PLCB1: variants seen among roughly 807,000 people sequenced by gnomAD.
The protein encoded by PLCB1 is phospholipase C beta 1.
Under a neutral mutation model 161.8 loss-of-function variants are expected in PLCB1, and 46 were observed. The ratio of observed to expected loss-of-function variants is 0.28; its 90% CI spans 0.22 to 0.36. PLCB1 has a LOEUF of 0.36. Ranked by LOEUF, PLCB1 falls within the 10% of genes least tolerant of loss-of-function variation. The probability of loss-of-function intolerance (pLI) is 1.00; values close to 1 mark genes in which losing one functional copy is unlikely to be tolerated. For synonymous variants in PLCB1, 517 were observed against 503.7 expected (o/e 1.03, Z -0.35); for missense variants, 1,016 against 1,472.5 (o/e 0.69, Z 5.07).
At chr20:8,210,737 T>C (rs1381619766) in intron 2 of PLCB1, among the ~76,000 whole-genome samples, 1 of 152,142 alleles carries the variant, frequency 6.6e-6, no homozygotes, top group Non-Finnish European at 1.5e-5. Context: ...ATGGGAAATG[T>C]TATTTACATA....
intron 2 of PLCB1, among the ~76,000 whole-genome samples, chr20:8,325,615 T>C (rs1284733044): frequency 6.6e-6 from 1 of 152,158 alleles, no homozygotes; most frequent in Non-Finnish European, 1.5e-5. Flanking sequence ...ATTTAATCAT[T>C]TCATCTATTT....
Position 8,411,483 on chromosome 20 carries a change from C to T in PLCB1, c.246+40033C>T, listed in dbSNP as rs147462047. ...TTTAGAGGTCTGTCTATAAGAATTACAGCCTAACTGTTGTCAGTACATCAT... is the reference window on the plus strand; with the variant it reads ...TTTAGAGGTCTGTCTATAAGAATTATAGCCTAACTGTTGTCAGTACATCAT... On this transcript the variant is annotated intron_variant, in intron 3 of 31. Transcript: ENST00000338037. Among the ~76,000 whole-genome samples, 1,183 of 152,242 alleles carry T rather than the reference C, an allele frequency of 7.8e-3. 14 individuals are homozygous for T. Among genetic ancestry groups the T allele is most frequent in the Non-Finnish European group, 0.013 (852 of 68,010 alleles).
At chr20:8,841,810 A>G (rs527754606) in intron 31 of PLCB1, among the ~76,000 whole-genome samples, 1 of 152,320 alleles carries the variant, frequency 6.6e-6, no homozygotes, top group African/African-American at 2.4e-5. Flanking sequence ...ATGGACTCTG[A>G]GCGCATATCC....
chr20:8,526,306 T>G (rs1984584192), intron 3 of PLCB1, among the ~76,000 whole-genome samples: 1 of 152,150 alleles, frequency 6.6e-6, no homozygotes, highest in Non-Finnish European at 1.5e-5. Flanking sequence ...TCATTTTCTT[T>G]TGATGATGAT....
At chr20:8,299,546 A>G (rs1230329490) in intron 2 of PLCB1, among the ~76,000 whole-genome samples, 3 of 152,192 alleles carry the variant, frequency 2.0e-5, no homozygotes, top group Non-Finnish European at 4.4e-5. Flanking sequence ...TGTTTCTTCC[A>G]TATGCCCCTT....
intron 2 of PLCB1, among the ~76,000 whole-genome samples, chr20:8,370,358 G>T (rs139067297): frequency 6.6e-6 from 1 of 152,220 alleles, no homozygotes; most frequent in East Asian, 1.9e-4. Flanking sequence ...ATGTTCTGTG[G>T]CCTAGCCAAT....
intron 27 of PLCB1, among the ~76,000 whole-genome samples, chr20:8,781,948 G>C (rs1983261496): frequency 6.6e-6 from 1 of 152,064 alleles, no homozygotes; most frequent in African/African-American, 2.4e-5. Flanking sequence ...ATGAGATTTG[G>C]GTGGGGACAC....
intron 9 of PLCB1, among the ~76,000 whole-genome samples, chr20:8,677,498 A>C (rs1990114159): frequency 6.6e-6 from 1 of 152,182 alleles, no homozygotes; most frequent in Admixed American, 6.5e-5. Flanking sequence ...CAAACAAGAC[A>C]ACAGCTTTCA....
chr20:8,337,447 T>G (rs537416252), intron 2 of PLCB1, among the ~76,000 whole-genome samples: 1 of 152,346 alleles, frequency 6.6e-6, no homozygotes, highest in East Asian at 1.9e-4. Context: ...ACCATTATGG[T>G]ACCATCTTTG....
At chr20:8,437,703 C>A (rs1600399946) in intron 3 of PLCB1, among the ~76,000 whole-genome samples, 1 of 152,060 alleles carries the variant, frequency 6.6e-6, no homozygotes, top group Admixed American at 6.6e-5. Flanking sequence ...AAAATGTGCA[C>A]CAGAGTGGCA....
At chr20:8,847,415 C>T (rs143405810) in intron 31 of PLCB1, among the ~76,000 whole-genome samples, 9 of 152,246 alleles carry the variant, frequency 5.9e-5, no homozygotes, top group African/African-American at 2.2e-4. Flanking sequence ...TGAACTTAGA[C>T]CTTTGCAAAA....
chr20:8,325,440 A>G (rs1985113019), intron 2 of PLCB1, among the ~76,000 whole-genome samples: 3 of 152,178 alleles, frequency 2.0e-5, no homozygotes, highest in Admixed American at 2.0e-4. Flanking sequence ...CTGTCCCTGA[A>G]CTTGGCCTAC....
intron 3 of PLCB1, among the ~76,000 whole-genome samples, chr20:8,510,765 T>A (rs2122848709): frequency 6.6e-6 from 1 of 152,340 alleles, no homozygotes; most frequent in Admixed American, 6.5e-5. Context: ...ATTGTCATTC[T>A]GAAGAAGTAA....
intron 2 of PLCB1, among the ~76,000 whole-genome samples, chr20:8,294,441 C>T (rs766208041): frequency 4.6e-5 from 7 of 151,882 alleles, no homozygotes; most frequent in Admixed American, 1.3e-4. Flanking sequence ...TACCCTATGA[C>T]TCAGTGTATG....
At chr20:8,513,695 T>C (rs956899253) in intron 3 of PLCB1, among the ~76,000 whole-genome samples, 29 of 152,070 alleles carry the variant, frequency 1.9e-4, no homozygotes, top group Admixed American at 1.8e-3. Flanking sequence ...AGTGAAATGA[T>C]AAAACGCTAC....
At chr20:8,261,462 G>A (rs1311048584) in intron 2 of PLCB1, among the ~76,000 whole-genome samples, 1 of 152,178 alleles carries the variant, frequency 6.6e-6, no homozygotes, top group Non-Finnish European at 1.5e-5. Context: ...CATACCTTAA[G>A]GCTATTAAAC....
rs113923949 is a variant in PLCB1 at position 8,609,696 on chromosome 20, T to C, written c.247-18598T>C. 7.7e-3 allele frequency among the ~76,000 whole-genome samples: 1,166 copies of C among 152,250 alleles called. 13 individuals are homozygous for C. Among genetic ancestry groups the C allele is most frequent in the African/African-American group, 0.026 (1,100 of 41,544 alleles). ...TCGTGCTGTGTCAACCAGGCTTAAG[T>C]GCAGTGGTGCGATCATAGTTCACTG... On this transcript the variant is annotated intron_variant, in intron 3 of 31. Coordinates refer to ENST00000338037, the MANE Select transcript of PLCB1 (RefSeq NM_015192.4).
chr20:8,814,577 A>ATGTGTGTGTGTGTGTG (rs10670728), intron 31 of PLCB1, among the ~76,000 whole-genome samples: 9 of 145,200 alleles, frequency 6.2e-5, no homozygotes, highest in African/African-American at 2.0e-4. Context: ...ATGTACTTGC[A>ATGTGTGTGTGTGTGTG]TGTGTGTGTG....
At chr20:8,230,604 A>G (rs1979978435) in intron 2 of PLCB1, among the ~76,000 whole-genome samples, 1 of 152,118 alleles carries the variant, frequency 6.6e-6, no homozygotes, top group Admixed American at 6.5e-5. Flanking sequence ...TATTAGCCAC[A>G]TGTGTTTATT....
Sources: allele counts gnomAD v4.1 joint callset (sites outside exome capture counted in the v4.1 genomes callset), GRCh38; gene constraint gnomAD v4.1.1; transcripts MANE v1.5; gene names NCBI Gene and HGNC (gene_info 2026-07-23, HGNC 2026-07-21).